The following PDE3A variants were observed in gnomAD, a reference collection of about 807,000 sequenced individuals.
The protein encoded by PDE3A is cGMP-inhibited 3',5'-cyclic phosphodiesterase 3A.
PDE3A carries 43 observed loss-of-function variants against 98.3 expected under a neutral mutation model. That is an observed-to-expected ratio of 0.44 (90% CI 0.34 to 0.56). The LOEUF (loss-of-function observed/expected upper bound fraction) is 0.56. PDE3A is among the 20% of genes least tolerant of loss of function. The pLI is 0.01. For missense variants in PDE3A, 1,427 were observed against 1,440.7 expected (o/e 0.99, Z 0.15); for synonymous variants, 663 against 567.9 (o/e 1.17, Z -2.38).
intron 1 of PDE3A, among the ~76,000 whole-genome samples, chr12:20,504,096 C>T (rs1946072963): frequency 6.6e-6 from 1 of 152,088 alleles, no homozygotes; most frequent in Non-Finnish European, 1.5e-5. Flanking sequence ...GGATGTTAAA[C>T]TTTATGAATG....
rs1943405322 is a variant in PDE3A, at chr12:20,369,191, GT to G, written c.-93del. On this transcript the variant is annotated 5_prime_UTR_variant, in exon 1 of 16. Transcript: ENST00000359062. ...GTGGAATTGGGAAGAGCGTGCGTGC[GT>G]GTGTGTGTGTGTGTGTGTGCGCGCG... The G allele has an allele frequency of 1.9e-5, 5 of 260,616 alleles. No individual in the cohort carries two copies. Among genetic ancestry groups the G allele is most frequent in the East Asian group, 1.2e-4 (1 of 8,194 alleles). 16.1% of individuals were successfully genotyped at this position (260,616 alleles called of 1,614,324 possible). A position where few individuals can be genotyped will look rare whatever the true frequency, so the allele number is the denominator to read the frequency against.
At chr12:20,622,576 C>A (rs1944163091) in intron 5 of PDE3A, among the ~76,000 whole-genome samples, 1 of 152,060 alleles carries the variant, frequency 6.6e-6, no homozygotes, top group Non-Finnish European at 1.5e-5. Context: ...CATTATTGAC[C>A]TGCTAATAAA....
intron 10 of PDE3A, among the ~76,000 whole-genome samples, chr12:20,643,976 G>T (rs1421162283): frequency 2.0e-5 from 3 of 152,098 alleles, no homozygotes; most frequent in Non-Finnish European, 4.4e-5. Flanking sequence ...ACCCCAAACA[G>T]GCTCTGCCAA....
intron 15 of PDE3A, among the ~76,000 whole-genome samples, chr12:20,664,039 A>C (rs1228100863): frequency 6.6e-6 from 1 of 152,012 alleles, no homozygotes; most frequent in East Asian, 1.9e-4. Flanking sequence ...AGTTCTTATG[A>C]GATCTAATGG....
At chr12:20,536,245 T>C (rs1201712007) in intron 1 of PDE3A, among the ~76,000 whole-genome samples, 1 of 152,122 alleles carries the variant, frequency 6.6e-6, no homozygotes, top group African/African-American at 2.4e-5. Context: ...TTCCCTACTC[T>C]ATTCCTCAAT....
intron 9 of PDE3A, 146 bp downstream of exon 9, chr12:20,637,383 C>T (rs1448556063): frequency 1.9e-6 from 1 of 516,770 alleles, no homozygotes; most frequent in Non-Finnish European, 3.3e-6. Flanking sequence ...AGATTCCTTG[C>T]TGTGTGTTAA....
intron 13 of PDE3A, among the ~76,000 whole-genome samples, chr12:20,649,680 C>T (rs1228319958): frequency 6.6e-6 from 1 of 152,146 alleles, no homozygotes; most frequent in African/African-American, 2.4e-5. Flanking sequence ...AATCTCAACA[C>T]TTTGGGAGGC....
chr12:20,581,666 A>C (rs551315637), intron 2 of PDE3A, among the ~76,000 whole-genome samples: 2 of 144,494 alleles, frequency 1.4e-5, no homozygotes, highest in South Asian at 2.2e-4. Flanking sequence ...AGGCTGGAGT[A>C]CAGTGGCACG....
At chr12:20,518,891 T>C (rs1204930345) in intron 1 of PDE3A, among the ~76,000 whole-genome samples, 1 of 152,232 alleles carries the variant, frequency 6.6e-6, no homozygotes, top group Non-Finnish European at 1.5e-5. Context: ...CATGTGGTTA[T>C]TGCATCCATG....
chr12:20,670,452 A>G (rs1945442858), intron 15 of PDE3A, among the ~76,000 whole-genome samples: 1 of 152,122 alleles, frequency 6.6e-6, no homozygotes, highest in Non-Finnish European at 1.5e-5. Flanking sequence ...TTGGAAGTAA[A>G]GCTCTCCTCA....
At chr12:20,413,679 T>C (rs1480429824) in intron 1 of PDE3A, among the ~76,000 whole-genome samples, 1 of 152,168 alleles carries the variant, frequency 6.6e-6, no homozygotes, top group Non-Finnish European at 1.5e-5. Context: ...TAGCTCTACT[T>C]GTCAAGGATT....
At chr12:20,544,366 C>T (rs1329860243) in intron 1 of PDE3A, among the ~76,000 whole-genome samples, 4 of 151,566 alleles carry the variant, frequency 2.6e-5, no homozygotes, top group African/African-American at 9.7e-5. Flanking sequence ...CTTTAGCCAA[C>T]ATTTTAAAAT....
rs546686979 is a variant in PDE3A at position 20,537,321 on chromosome 12, G to C, written c.961-19339G>C. On this transcript the variant is annotated intron_variant, in intron 1 of 15. Coordinates refer to ENST00000359062, the MANE Select transcript of PDE3A (RefSeq NM_000921.5). ...GCTTTCTGGTATAAGTCTCATATCA[G>C]ATTTATGATTTGACAATATTTTCTC... Among the ~76,000 whole-genome samples, 11 of 152,122 alleles carry C rather than the reference G, an allele frequency of 7.2e-5. No homozygotes were observed. The South Asian group carries it at 2.3e-3, about 32-fold the overall frequency.
chr12:20,640,088 T>C, intron 10 of PDE3A, 131 bp downstream of exon 10: 2 of 537,930 alleles, frequency 3.7e-6, no homozygotes, highest in Non-Finnish European at 6.8e-6. Context: ...AGACATCATA[T>C]GGTGATTAGG....
In PDE3A at chr12:20,620,986, A is replaced by G. The variant is rs539652906; in HGVS notation, c.1425-310A>G. Among the ~76,000 whole-genome samples the G allele has an allele frequency of 6.6e-5, 10 of 152,204 alleles. No homozygotes were observed. In the South Asian group the frequency reaches 2.1e-3, roughly 32 times the overall value. On this transcript the variant is annotated intron_variant, in intron 4 of 15. Coordinates refer to ENST00000359062, the MANE Select transcript of PDE3A (RefSeq NM_000921.5). Reference sequence around the variant, plus strand: ...GTAAGCCTCTTTTAGAAAATCTGTGAGGAACGTAATTTTAGAGTACAGTGA... The same window carrying G: ...GTAAGCCTCTTTTAGAAAATCTGTGGGGAACGTAATTTTAGAGTACAGTGA...
chr12:20,603,166 A>C (rs1371818128), intron 2 of PDE3A, among the ~76,000 whole-genome samples: 3 of 152,156 alleles, frequency 2.0e-5, no homozygotes, highest in Non-Finnish European at 4.4e-5. Context: ...GAAAAGCCCC[A>C]GTGACTATTT....
intron 1 of PDE3A, among the ~76,000 whole-genome samples, chr12:20,452,401 T>A (rs1945080904): frequency 6.6e-6 from 1 of 152,260 alleles, no homozygotes; most frequent in African/African-American, 2.4e-5. Flanking sequence ...CTTCAATATC[T>A]CTCTCTCTCA....
At chr12:20,631,507 T>C (rs1944375585) in intron 6 of PDE3A, among the ~76,000 whole-genome samples, 1 of 152,072 alleles carries the variant, frequency 6.6e-6, no homozygotes, top group Non-Finnish European at 1.5e-5. Context: ...TAAGAAGCAT[T>C]GTTTTATTGT....
At chr12:20,581,611 CTTTTCTTTT>C (rs1943067516) in intron 2 of PDE3A, among the ~76,000 whole-genome samples, 1 of 76,366 alleles carries the variant, frequency 1.3e-5, no homozygotes, top group Non-Finnish European at 2.2e-5. Flanking sequence ...GATTTCTTTT[CTTTTCTTTT>C]TTTTTTTTTT....
Sources: gnomAD v4.1 joint callset for allele counts (sites outside exome capture counted in the v4.1 genomes callset) on GRCh38, gnomAD v4.1.1 for gene constraint, MANE v1.5 for transcripts, NCBI Gene and HGNC (gene_info 2026-07-23, HGNC 2026-07-21) for gene names.